The following ARHGAP22 variants were observed in gnomAD, a reference collection of about 807,000 sequenced individuals.
ARHGAP22 encodes rho GTPase-activating protein 22.
ARHGAP22 carries 48 observed loss-of-function variants against 59.1 expected under a neutral mutation model. That is an observed-to-expected ratio of 0.81 (90% confidence interval 0.64 to 1.03). The LOEUF (loss-of-function observed/expected upper bound fraction) is 1.03, where lower values mean the gene tolerates loss of function less well. Ranked by LOEUF, ARHGAP22 falls within the 50% of genes least tolerant of loss-of-function variation. The pLI is 0.00. For missense variants in ARHGAP22, 1,015 were observed against 958.7 expected (o/e 1.06, Z -0.78); for synonymous variants, 445 against 416.4 (o/e 1.07, Z -0.84).
At chr10:48,530,071 T>C (rs1174115387) in intron 3 of ARHGAP22, among the ~76,000 whole-genome samples, 1 of 152,008 alleles carries the variant, frequency 6.6e-6, no homozygotes, top group Non-Finnish European at 1.5e-5. Flanking sequence ...ACCGCATCTC[T>C]ACTAAATATA....
intron 1 of ARHGAP22, among the ~76,000 whole-genome samples, chr10:48,602,434 C>A (rs186306702): frequency 6.6e-6 from 1 of 151,766 alleles, no homozygotes; most frequent in South Asian, 2.1e-4. Context: ...AAAATATATA[C>A]GAGTTAAAAA....
chr10:48,540,490 C>T (rs1652338688), intron 3 of ARHGAP22, among the ~76,000 whole-genome samples: 1 of 152,206 alleles, frequency 6.6e-6, no homozygotes, highest in African/African-American at 2.4e-5. Context: ...CTTGGCCTCC[C>T]AAAGTCCTGG....
At chr10:48,433,136 ATAT>A in the ARHGAP22 span, among the ~76,000 whole-genome samples, 1 of 152,204 alleles carries the variant, frequency 6.6e-6, no homozygotes, top group Admixed American at 6.5e-5. Context: ...AAGATTTTCC[ATAT>A]TATTACCATT....
At chr10:48,466,071 G>A (rs1160627681) in intron 4 of ARHGAP22, among the ~76,000 whole-genome samples, 3 of 152,122 alleles carry the variant, frequency 2.0e-5, no homozygotes, top group Non-Finnish European at 4.4e-5. Flanking sequence ...GAGGAGCACA[G>A]TAGAGGCTAA....
chr10:48,579,433 C>A (rs886854934), intron 2 of ARHGAP22, among the ~76,000 whole-genome samples: 7 of 152,208 alleles, frequency 4.6e-5, no homozygotes, highest in African/African-American at 9.7e-5. Context: ...CTGCTGGAAA[C>A]CCTCAGGGAC....
chr10:48,477,693 C>A (rs945547944), intron 4 of ARHGAP22, among the ~76,000 whole-genome samples: 1 of 152,170 alleles, frequency 6.6e-6, no homozygotes, highest in Non-Finnish European at 1.5e-5. Context: ...ATACAAGTAT[C>A]CCATTGTGAT....
intron 3 of ARHGAP22, among the ~76,000 whole-genome samples, chr10:48,481,790 C>T (rs1365018361): frequency 2.0e-5 from 3 of 152,204 alleles, no homozygotes; most frequent in Non-Finnish European, 4.4e-5. Context: ...ACTAGCTATG[C>T]TCAGACTTTT....
At chr10:48,566,097 G>A (rs923583467) in intron 2 of ARHGAP22, among the ~76,000 whole-genome samples, 2 of 152,178 alleles carry the variant, frequency 1.3e-5, no homozygotes, top group African/African-American at 2.4e-5. Flanking sequence ...GGCTCTCTGG[G>A]AAGTCTTCAT....
At chr10:48,431,481 TACTG>T in the ARHGAP22 span, among the ~76,000 whole-genome samples, 1 of 152,240 alleles carries the variant, frequency 6.6e-6, no homozygotes, top group Non-Finnish European at 1.5e-5. Flanking sequence ...TTTTCTATGA[TACTG>T]ACATTCTGAA....
intron 3 of ARHGAP22, among the ~76,000 whole-genome samples, chr10:48,544,951 T>C (rs2056302163): frequency 6.6e-6 from 1 of 152,196 alleles, no homozygotes; most frequent in East Asian, 1.9e-4. Context: ...AAATTTAGTG[T>C]CTGCATGGAA....
intron 9 of ARHGAP22, among the ~76,000 whole-genome samples, chr10:48,449,775 C>G (rs1355435112): frequency 1.3e-5 from 2 of 148,270 alleles, no homozygotes; most frequent in African/African-American, 5.1e-5. Context: ...AGGGCGGACA[C>G]GAGGGCTTGG....
intron 1 of ARHGAP22, among the ~76,000 whole-genome samples, chr10:48,622,347 T>G (rs1025461540): frequency 2.6e-5 from 4 of 152,214 alleles, no homozygotes; most frequent in Non-Finnish European, 5.9e-5. Flanking sequence ...CATCTTCTTT[T>G]GTTTGGTTGG....
intron 3 of ARHGAP22, among the ~76,000 whole-genome samples, chr10:48,531,264 T>C (rs11101373): frequency 0.18 from 27,162 of 151,976 alleles, 2,651 homozygotes; most frequent in East Asian, 0.33. Flanking sequence ...CTTTGGGGAA[T>C]TGGGGGAAAG....
At chr10:48,611,849 T>TTCCCTTCCCC (rs2060902087) in intron 1 of ARHGAP22, among the ~76,000 whole-genome samples, 1 of 25,382 alleles carries the variant, frequency 3.9e-5, no homozygotes, top group African/African-American at 1.2e-4. Context: ...TTCCCTTCCC[T>TTCCCTTCCCC]TCCCTTCCCC....
chr10:48,546,031 T>G (rs1219844826), intron 3 of ARHGAP22, among the ~76,000 whole-genome samples: 3 of 152,210 alleles, frequency 2.0e-5, no homozygotes, highest in Non-Finnish European at 4.4e-5. Context: ...GGAAGCCACT[T>G]AAACAGGCCC....
At chr10:48,525,328 T>C (rs1229033025) in intron 3 of ARHGAP22, among the ~76,000 whole-genome samples, 5 of 152,202 alleles carry the variant, frequency 3.3e-5, no homozygotes, top group Admixed American at 3.3e-4. Context: ...ATCCCAGTAC[T>C]TTAGGAGGCC....
chr10:48,594,514 T>C (rs557577132), intron 1 of ARHGAP22, among the ~76,000 whole-genome samples: 34 of 152,364 alleles, frequency 2.2e-4, no homozygotes, highest in African/African-American at 7.7e-4. Flanking sequence ...GATGGAGCTC[T>C]GCCCAAATTC....
At chr10:48,542,421 GT>G in intron 3 of ARHGAP22, among the ~76,000 whole-genome samples, 1 of 152,216 alleles carries the variant, frequency 6.6e-6, no homozygotes, top group African/African-American at 2.4e-5. Flanking sequence ...TTAAATTTGT[GT>G]TTTTTAAGTG....
intron 1 of ARHGAP22, among the ~76,000 whole-genome samples, chr10:48,601,802 A>G (rs1473338028): frequency 3.3e-5 from 5 of 152,226 alleles, no homozygotes; most frequent in Non-Finnish European, 1.5e-5. Flanking sequence ...TCTGCTAGGT[A>G]TCAATAATCC....
Sources: allele counts gnomAD v4.1 joint callset (sites outside exome capture counted in the v4.1 genomes callset), GRCh38; gene constraint gnomAD v4.1.1; transcripts MANE v1.5; gene names NCBI Gene and HGNC (gene_info 2026-07-23, HGNC 2026-07-21).